The following CACNA2D4 variants were observed in gnomAD, a reference collection of about 807,000 sequenced individuals.
CACNA2D4 encodes the protein calcium voltage-gated channel auxiliary subunit alpha2delta 4.
In CACNA2D4, 157 loss-of-function variants were observed where a neutral mutation model predicts 163.8. The ratio of observed to expected loss-of-function variants is 0.96; its 90% CI spans 0.84 to 1.09. The LOEUF (loss-of-function observed/expected upper bound fraction) is 1.09. Among genes scored for constraint, CACNA2D4 ranks in the 50% least tolerant of loss-of-function variants. CACNA2D4 has a pLI of 0.00. For missense variants in CACNA2D4, 1,410 were observed against 1,479.9 expected, an observed-to-expected ratio of 0.95 and a Z score of 0.78; for synonymous variants, 598 against 586.9, an observed-to-expected ratio of 1.02 and a Z score of -0.27.
Position 1,793,449 on chromosome 12 carries a change from T to G in CACNA2D4, c.*206A>C, listed in dbSNP as rs1312209006. On this transcript the variant is annotated 3_prime_UTR_variant, in exon 38 of 38. Transcript: ENST00000382722. ...CTAGGGCAGATGGTACCGGGCACCA[T>G]GAAGCATCTTGAAAGTGGTGCCAGG... The G allele has an allele frequency of 1.6e-6, 1 of 623,424 alleles. No homozygotes were observed. Among genetic ancestry groups the G allele is most frequent in the Admixed American group, 2.5e-5 (1 of 40,508 alleles). The allele number at this position is 623,424 out of a possible 1,614,324, so 38.6% of individuals were successfully genotyped here.
chr12:1,809,592 C>T, intron 29 of CACNA2D4: 1 of 700,634 alleles, frequency 1.4e-6, no homozygotes, highest in Admixed American at 2.0e-5. Context: ...CATTTTGAGG[C>T]CCCTTTTGGA....
Position 1,800,301 on chromosome 12 carries a change from A to G in CACNA2D4, c.2921+85T>C. ...TGGTAGCAAGTGGGTTGTCCTGGAG[A>G]CCTTGCAGCCTCCTGCTCAAGGACA... On this transcript the variant is annotated intron_variant, in intron 32 of 37. Coordinates refer to ENST00000382722, the MANE Select transcript of CACNA2D4 (RefSeq NM_172364.5). 6.3e-6 allele frequency: 9 copies of G among 1,429,898 alleles called. No individual in the cohort carries two copies. The South Asian group carries it at 8.1e-5, about 13-fold the overall frequency. The allele number at this position is 1,429,898 out of a possible 1,614,324, so 88.6% of individuals were successfully genotyped here.
intron 6 of CACNA2D4, among the ~76,000 whole-genome samples, chr12:1,902,188 A>AT (rs1461654906): frequency 6.6e-6 from 1 of 151,958 alleles, no homozygotes; most frequent in African/African-American, 2.4e-5. Context: ...CCCCTAAAAA[A>AT]ACTGGGTATA....
Position 1,878,381 on chromosome 12 carries a change from C to A in CACNA2D4, c.1653G>T (p.Val551=), listed in dbSNP as rs1238316902. 1 of 1,603,416 alleles carries A rather than the reference C, an allele frequency of 6.2e-7. No individual in the cohort carries two copies. ...TGGTGTTCAGAAAGGCGTATCCGTG[C>A]ACTCCAAGCTGCCAGAGTCCAGGGT... ...MKLAPRYKLG[V]HGYAFLNTNN... is the part of the protein sequence containing the mutation. The change falls in exon 16 of 38, where the codon GTG becomes GTT. Residue 551 remains valine, a synonymous_variant. Coordinates refer to ENST00000382722, the MANE Select transcript of CACNA2D4 (RefSeq NM_172364.5). This position sits in a 1 kb window ranked among gnomAD's most constrained non-coding sequence, Gnocchi z 4.6.
intron 18 of CACNA2D4, among the ~76,000 whole-genome samples, chr12:1,860,881 G>A (rs942829336): frequency 5.9e-5 from 9 of 152,228 alleles, no homozygotes; most frequent in African/African-American, 2.2e-4. Context: ...GCTGGGCTTA[G>A]ATGAACCAGG....
chr12:1,908,136 G>C, intron 4 of CACNA2D4, 99 bp from the exon 5 acceptor site: 3 of 1,265,572 alleles, frequency 2.4e-6, no homozygotes, highest in Non-Finnish European at 3.3e-6. Flanking sequence ...GAGAGGGCCG[G>C]GGCCGGGCGG....
At chr12:1,899,865 AATCCT>A (rs151139744) in intron 6 of CACNA2D4, among the ~76,000 whole-genome samples, 14,105 of 152,200 alleles carry the variant, frequency 0.093, 769 homozygotes, top group South Asian at 0.13. Flanking sequence ...TAGAAGCAAA[AATCCT>A]AAACAAAATA....
chr12:1,853,249 C>T (rs896217698), intron 23 of CACNA2D4, among the ~76,000 whole-genome samples: 12 of 152,052 alleles, frequency 7.9e-5, no homozygotes, highest in East Asian at 1.9e-4. Context: ...GAAAAGGTAG[C>T]GTACTATACT....
At chr12:1,797,271 C>T (rs763571578) in intron 35 of CACNA2D4, 147 bp downstream of exon 35, 14 of 658,344 alleles carry the variant, frequency 2.1e-5, no homozygotes, top group Non-Finnish European at 3.8e-5. Context: ...GGGAAGACCC[C>T]GGGAGCGTGG....
In CACNA2D4 at chr12:1,834,815, C is replaced by G. The variant is rs1239678987; in HGVS notation, c.2551+5924G>C. 5 of 1,451,970 alleles carry G rather than the reference C, an allele frequency of 3.4e-6. No homozygotes were observed. Among genetic ancestry groups the G allele is most frequent in the African/African-American group, 1.4e-5 (1 of 70,878 alleles). 89.9% of individuals were successfully genotyped at this position (1,451,970 alleles called of 1,614,324 possible). A position where few individuals can be genotyped will look rare whatever the true frequency, so the allele number is the denominator to read the frequency against. ...CACCTTGACCCGGCGCTGGCCACTG[C>G]CTCCCCGAGTCCACCCTCCTCCCCG... is the stretch of plus-strand genomic sequence containing the variant. On this transcript the variant is annotated intron_variant, in intron 26 of 37. Coordinates refer to ENST00000382722, the MANE Select transcript of CACNA2D4 (RefSeq NM_172364.5). This position sits in a 1 kb window ranked among gnomAD's most constrained non-coding sequence, Gnocchi z 7.6.
intron 6 of CACNA2D4, among the ~76,000 whole-genome samples, chr12:1,896,440 A>T (rs1866401723): frequency 6.6e-6 from 1 of 152,128 alleles, no homozygotes; most frequent in African/African-American, 2.4e-5. Flanking sequence ...GGCAAAAGAC[A>T]TGAATAGACA....
rs1008930209 is a variant in CACNA2D4, at chr12:1,917,471, G to T, written c.227+776C>A. 6.6e-6 allele frequency among the ~76,000 whole-genome samples: 1 copy of T among 152,208 alleles called. No individual in the cohort carries two copies. Among genetic ancestry groups the T allele is most frequent in the Non-Finnish European group, 1.5e-5 (1 of 68,036 alleles). On this transcript the variant is annotated intron_variant, in intron 1 of 37. Transcript: ENST00000382722. This position sits in a 1 kb window ranked among gnomAD's most constrained non-coding sequence, Gnocchi z 4.3. ...CTGGCTATGGTGCTGGGCTCAAGCGGCTGGAGTAAACAGGATGGGGTCTGT... is the reference window on the plus strand; with the variant it reads ...CTGGCTATGGTGCTGGGCTCAAGCGTCTGGAGTAAACAGGATGGGGTCTGT...
rs764675016 is a variant in CACNA2D4 at position 1,886,322 on chromosome 12, C to T, written c.894G>A (p.Val298=). Residue 298 remains valine (V), a synonymous_variant, in exon 8 of 38, where the codon GTG becomes GTA. Transcript: ENST00000382722. The part of the protein sequence containing the change: ...SPKDIVILVD[V]SGSMKGLRMT... ...TCCTCAGCCCCTTCATACTGCCGCT[C>T]ACGTCCACCAAAATCACTATGTCCT... 2.1e-5 allele frequency: 34 copies of T among 1,613,788 alleles called. No individual in the cohort carries two copies. The highest frequency in any genetic ancestry group is 4.5e-5 in the East Asian group (2 of 44,890).
chr12:1,852,947 C>T (rs12425981), intron 23 of CACNA2D4, among the ~76,000 whole-genome samples: 2,515 of 152,132 alleles, frequency 0.017, 34 homozygotes, highest in Non-Finnish European at 0.022. Context: ...GTGAGGACTG[C>T]GGTGAGGATC....
intron 26 of CACNA2D4, among the ~76,000 whole-genome samples, chr12:1,819,131 C>T (rs1863993905): frequency 2.0e-5 from 3 of 151,928 alleles, no homozygotes; most frequent in Non-Finnish European, 2.9e-5. Flanking sequence ...TCCGGGGAAA[C>T]GTCACCTTGC....
intron 26 of CACNA2D4, among the ~76,000 whole-genome samples, chr12:1,837,169 C>T (rs1437021203): frequency 6.6e-6 from 1 of 152,192 alleles, no homozygotes; most frequent in Non-Finnish European, 1.5e-5. Flanking sequence ...CCCTGGCAGC[C>T]AGGACAGATG....
chr12:1,840,213 T>C (rs1864983054), intron 26 of CACNA2D4, among the ~76,000 whole-genome samples: 1 of 152,138 alleles, frequency 6.6e-6, no homozygotes, highest in South Asian at 2.1e-4. Context: ...TACCACACTG[T>C]AAATACTCGG....
rs1395622245 is a variant in CACNA2D4 at position 1,908,034 on chromosome 12, C to T, written c.490G>A (p.Asp164Asn). 2 of 1,611,084 alleles carry T rather than the reference C, an allele frequency of 1.2e-6. No homozygotes were observed. Among genetic ancestry groups the T allele is most frequent in the Non-Finnish European group, 1.7e-6 (2 of 1,177,902 alleles). ...TTGATCAGGACCGAGTTGTAATAGT[C>T]GAACTGGGGTGGACGGGTGAGGCCC... The part of the protein sequence containing the change: ...NHEFNESLVF[D>N]YYNSVLINER... The change falls in exon 5 of 38, where the codon GAC becomes AAC. Residue 164 changes from aspartate (D) to asparagine (N), a missense_variant. Asp to Asn is a conservative substitution (Grantham distance 23). Transcript: ENST00000382722.
chr12:1,820,320 G>C lies in CACNA2D4; in HGVS notation c.2552-8597C>G, dbSNP rs1864040891. The C allele has an allele frequency of 6.6e-6, 1 of 152,208 alleles. No individual in the cohort carries two copies. The highest frequency in any genetic ancestry group is 1.5e-5 in the Non-Finnish European group (1 of 68,046). 9.4% of individuals were successfully genotyped at this position (152,208 alleles called of 1,614,324 possible). A position where few individuals can be genotyped will look rare whatever the true frequency, so the allele number is the denominator to read the frequency against. On this transcript the variant is annotated intron_variant, in intron 26 of 37. Transcript: ENST00000382722. This position sits in a 1 kb window ranked among gnomAD's most constrained non-coding sequence, Gnocchi z 6.0. ...TGGTGAAACCGCTTTCCTCCTCCCT[G>C]TGGTCGGCAGCGATTCATCCACAGG... is the stretch of plus-strand genomic sequence containing the variant.
Sources: gnomAD v4.1 joint callset for allele counts (sites outside exome capture counted in the v4.1 genomes callset) on GRCh38, gnomAD v4.1.1 for gene constraint, Gnocchi (gnomAD v3.1) non-coding constraint, MANE v1.5 for transcripts, NCBI Gene and HGNC (gene_info 2026-07-23, HGNC 2026-07-21) for gene names.